GRAMD1B: variants seen among roughly 807,000 people sequenced by gnomAD.
The protein encoded by GRAMD1B is protein Aster-B.
Under a neutral mutation model 99.7 loss-of-function variants are expected in GRAMD1B, and 37 were observed. That is an observed-to-expected ratio of 0.37 (90% CI 0.29 to 0.49). The LOEUF (loss-of-function observed/expected upper bound fraction) is 0.49. Ranked by LOEUF, GRAMD1B falls within the 20% of genes least tolerant of loss-of-function variation. The pLI is 0.98. For synonymous variants in GRAMD1B, 427 were observed against 387.6 expected (o/e 1.10, Z -1.19); for missense variants, 888 against 1,009.2 (o/e 0.88, Z 1.63).
In GRAMD1B at chr11:123,469,769, C is replaced by CCTTCCTTCCTTCCTTCCT. The variant is rs1555128621; in HGVS notation, c.375-11047_375-11046insCTTCCTTCCTTCCTTCCT. 1.7e-3 allele frequency among the ~76,000 whole-genome samples: 152 copies of CCTTCCTTCCTTCCTTCCT among 90,310 alleles called. 4 individuals are homozygous for CCTTCCTTCCTTCCTTCCT. In the East Asian group the frequency reaches 0.024, roughly 14 times the overall value. The allele number at this position is 90,310 out of a possible 152,430, so 59.2% of individuals were successfully genotyped here. ...TCTTTCTTTCTTTCCTTCTTTCTTTCTCTTTCTTTCCTTCCTTCCTTCCTT... is the reference window on the plus strand; with the variant it reads ...TCTTTCTTTCTTTCCTTCTTTCTTTCCTTCCTTCCTTCCTTCCTTCTTTCTTTCCTTCCTTCCTTCCTT... On this transcript the variant is annotated intron_variant, in intron 1 of 19. Coordinates refer to ENST00000635736, the MANE Select transcript of GRAMD1B (RefSeq NM_001387025.1).
chr11:123,575,743 G>C (rs992113871), intron 2 of GRAMD1B, among the ~76,000 whole-genome samples: 2 of 152,094 alleles, frequency 1.3e-5, no homozygotes, highest in South Asian at 2.1e-4. Context: ...GTAAAGGAAG[G>C]TACCTTCCTT....
intron 5 of GRAMD1B, 50 bp downstream of exon 5, chr11:123,594,216 C>T (rs186909189): frequency 2.8e-5 from 35 of 1,249,172 alleles, no homozygotes; most frequent in African/African-American, 1.8e-4. Flanking sequence ...GGGGAGCCCC[C>T]GGCATAGCAC....
At chr11:123,618,904 T>C in intron 18 of GRAMD1B, 104 bp downstream of exon 18, 1 of 744,076 alleles carries the variant, frequency 1.3e-6, no homozygotes, top group South Asian at 1.5e-5. Flanking sequence ...TCCCCATCCC[T>C]CTGGGATGAG....
At chr11:123,469,177 A>G (rs1950862003) in intron 1 of GRAMD1B, among the ~76,000 whole-genome samples, 1 of 152,084 alleles carries the variant, frequency 6.6e-6, no homozygotes, top group Admixed American at 6.6e-5. Flanking sequence ...AGCTGGGTAG[A>G]GAGGCAATAG....
At chr11:123,427,468 C>T (rs1948696182), upstream of GRAMD1B, among the ~76,000 whole-genome samples, 1 of 152,170 alleles carries the variant, frequency 6.6e-6, no homozygotes. Context: ...GCACAGGATA[C>T]TGGAGAGAAT....
chr11:123,522,230 A>G (rs1293079860), intron 2 of GRAMD1B, among the ~76,000 whole-genome samples: 1 of 152,098 alleles, frequency 6.6e-6, no homozygotes, highest in Admixed American at 6.5e-5. Flanking sequence ...GATGAGGAAC[A>G]TTTTTCCGTC....
intron 1 of GRAMD1B, among the ~76,000 whole-genome samples, chr11:123,467,762 C>A (rs1950763277): frequency 6.6e-6 from 1 of 152,046 alleles, no homozygotes; most frequent in Non-Finnish European, 1.5e-5. Flanking sequence ...ATGCCTTACA[C>A]ATCCAGCACG....
chr11:123,452,959 A>G (rs1949954369), intron 1 of GRAMD1B, among the ~76,000 whole-genome samples: 1 of 152,220 alleles, frequency 6.6e-6, no homozygotes, highest in Non-Finnish European at 1.5e-5. Flanking sequence ...AAAGAATTCA[A>G]TATTTAGATA....
chr11:123,570,421 CTTT>C (rs755038860), intron 2 of GRAMD1B, among the ~76,000 whole-genome samples: 8 of 130,582 alleles, frequency 6.1e-5, no homozygotes, highest in Non-Finnish European at 8.1e-5. Context: ...TTTTTCTTTT[CTTT>C]TTTTTTTTTT....
At chr11:123,581,503 G>C (rs921901456) in intron 3 of GRAMD1B, among the ~76,000 whole-genome samples, 2 of 152,192 alleles carry the variant, frequency 1.3e-5, no homozygotes, top group African/African-American at 4.8e-5. Context: ...CACGGGGATT[G>C]AATGTGCCTC....
intron 2 of GRAMD1B, among the ~76,000 whole-genome samples, chr11:123,570,917 G>T (rs1026024875): frequency 6.6e-6 from 1 of 152,180 alleles, no homozygotes; most frequent in Admixed American, 6.5e-5. Flanking sequence ...TCACTGTAGG[G>T]CTGGGCTTAG....
chr11:123,515,101 G>C lies in GRAMD1B; in HGVS notation c.452+34208G>C, dbSNP rs143369762. On this transcript the variant is annotated intron_variant, in intron 2 of 19. Coordinates refer to ENST00000635736, the MANE Select transcript of GRAMD1B (RefSeq NM_001387025.1). The stretch of plus-strand genomic sequence containing the variant: ...TTTCAGGTGCTAGAACTGACACGAC[G>C]TAGTTCCTAATTAAATGGGAGATGG... 1.2e-3 allele frequency among the ~76,000 whole-genome samples: 187 copies of C among 152,330 alleles called. No individual in the cohort carries two copies. The East Asian group carries it at 0.032, about 26-fold the overall frequency.
At chr11:123,594,246 AG>A in intron 5 of GRAMD1B, 80 bp downstream of exon 5, 1 of 966,830 alleles carries the variant, frequency 1.0e-6, no homozygotes, top group Admixed American at 1.8e-5. Flanking sequence ...TTCTCTCTAG[AG>A]GCCTCAAGCC....
intron 2 of GRAMD1B, among the ~76,000 whole-genome samples, chr11:123,572,674 GGAGAGA>G (rs149492693): frequency 3.3e-5 from 5 of 149,756 alleles, no homozygotes; most frequent in African/African-American, 7.3e-5. Flanking sequence ...GTAATTGGAG[GGAGAGA>G]GAGAGAGAGA....
intron 2 of GRAMD1B, among the ~76,000 whole-genome samples, chr11:123,508,071 G>A (rs1367849568): frequency 2.0e-5 from 3 of 149,832 alleles, no homozygotes; most frequent in Non-Finnish European, 4.5e-5. Flanking sequence ...AGTATCCATG[G>A]AGGGTAATGG....
In GRAMD1B at chr11:123,627,741, TAAA is replaced by T. The variant is rs1247281260; in HGVS notation, c.*5149_*5151del. 6.6e-6 allele frequency: 1 copy of T among 152,190 alleles called. No individual in the cohort carries two copies. Among genetic ancestry groups the T allele is most frequent in the Non-Finnish European group, 1.5e-5 (1 of 68,032 alleles). 9.4% of individuals were successfully genotyped at this position (152,190 alleles called of 1,614,324 possible). ...AGAGCCATGGAAGTACAGTATGAAT[TAAA>T]AAGAAAAAAGTATTGAACTACAATA... On this transcript the variant is annotated 3_prime_UTR_variant, in exon 20 of 20. Coordinates refer to ENST00000635736, the MANE Select transcript of GRAMD1B (RefSeq NM_001387025.1).
chr11:123,597,256 CT>C (rs71060518), intron 7 of GRAMD1B, among the ~76,000 whole-genome samples: 9,016 of 74,252 alleles, frequency 0.12, 464 homozygotes, highest in African/African-American at 0.14. Context: ...GCCACTATGC[CT>C]TTTTTTTTTT....
At chr11:123,430,109 A>C (rs976064823), upstream of GRAMD1B, among the ~76,000 whole-genome samples, 4 of 151,882 alleles carry the variant, frequency 2.6e-5, no homozygotes, top group Admixed American at 2.6e-4. Flanking sequence ...AGCAGCCTTT[A>C]CTTGGAGGTC....
intron 2 of GRAMD1B, among the ~76,000 whole-genome samples, chr11:123,511,072 A>T (rs1255917330): frequency 3.4e-5 from 5 of 146,066 alleles, no homozygotes; most frequent in South Asian, 2.2e-4. Flanking sequence ...CCTCTTTTTC[A>T]CTCTCTCTCT....
Sources: gnomAD v4.1 joint callset for allele counts (sites outside exome capture counted in the v4.1 genomes callset) on GRCh38, gnomAD v4.1.1 for gene constraint, MANE v1.5 for transcripts, NCBI Gene and HGNC (gene_info 2026-07-23, HGNC 2026-07-21) for gene names.